ATCAY: variants seen among roughly 807,000 people sequenced by gnomAD.
ATCAY encodes the protein caytaxin.
ATCAY carries 22 observed loss-of-function variants against 47.7 expected under a neutral mutation model. That is an observed-to-expected ratio of 0.46 (90% confidence interval 0.33 to 0.66). The LOEUF (loss-of-function observed/expected upper bound fraction) is 0.66. ATCAY is among the 30% of genes least tolerant of loss of function. The probability of loss-of-function intolerance (pLI) is 0.02; values close to 1 mark genes in which losing one functional copy is unlikely to be tolerated. For missense variants in ATCAY, 452 were observed against 515.0 expected (o/e 0.88, Z 1.18); for synonymous variants, 216 against 207.6 (o/e 1.04, Z -0.35).
chr19:3,898,747 CTT>C (rs1265926960), intron 2 of ATCAY, among the ~76,000 whole-genome samples: 12 of 152,006 alleles, frequency 7.9e-5, no homozygotes, highest in African/African-American at 2.7e-4. Context: ...AGTGGCGTGA[CTT>C]CAGCTCACTG....
In ATCAY at chr19:3,902,563, C is replaced by A. The variant is rs754962968; in HGVS notation, c.136+18C>A. On this transcript the variant is annotated intron_variant, in intron 3 of 12. Coordinates refer to ENST00000450849, the MANE Select transcript of ATCAY (RefSeq NM_033064.5). ...CACATCCTGTAAGTTTCCACGTCCA[C>A]AGAAGGGCGGAAACAGGCTCAGTGT... 2.6e-6 allele frequency: 4 copies of A among 1,559,418 alleles called. No individual in the cohort carries two copies. The East Asian group carries it at 9.6e-5, about 37-fold the overall frequency.
chr19:3,895,769 C>A (rs1410257948), intron 2 of ATCAY, among the ~76,000 whole-genome samples: 2 of 140,004 alleles, frequency 1.4e-5, no homozygotes, highest in Non-Finnish European at 3.0e-5. Flanking sequence ...GGCGGGAGTG[C>A]AGTGGTGCCA....
chr19:3,881,755 C>T (rs1286934584), intron 1 of ATCAY, among the ~76,000 whole-genome samples: 2 of 151,666 alleles, frequency 1.3e-5, no homozygotes, highest in Non-Finnish European at 2.9e-5. Context: ...TCACACCCAG[C>T]TCAGTATAAG....
chr19:3,922,054 C>G, intron 12 of ATCAY: 1 of 666,070 alleles, frequency 1.5e-6, no homozygotes, highest in Non-Finnish European at 2.7e-6. Flanking sequence ...GCAAAACACA[C>G]AAAGTGCTGC....
At chr19:3,913,651 G>C in intron 8 of ATCAY, 107 bp from the exon 9 acceptor site, 1 of 779,814 alleles carries the variant, frequency 1.3e-6, no homozygotes, top group Non-Finnish European at 2.2e-6. Context: ...GGGCATCCTG[G>C]AGTGGGGTCC....
intron 2 of ATCAY, among the ~76,000 whole-genome samples, chr19:3,901,869 C>T (rs1446186803): frequency 6.6e-6 from 1 of 152,076 alleles, no homozygotes; most frequent in Non-Finnish European, 1.5e-5. Context: ...GTAGCGGGCA[C>T]CTGTAGTCCC....
intron 2 of ATCAY, among the ~76,000 whole-genome samples, chr19:3,899,308 C>CTTTTTTTT (rs146410703): frequency 9.3e-6 from 1 of 106,954 alleles, no homozygotes; most frequent in African/African-American, 3.7e-5. Context: ...GGGAATAAAT[C>CTTTTTTTT]TTTTTTTTTT....
In ATCAY at chr19:3,906,347, G is replaced by A. The variant is rs548545464; in HGVS notation, c.358+692G>A. Among the ~76,000 whole-genome samples, 290 of 148,102 alleles carry A rather than the reference G, an allele frequency of 2.0e-3. 1 individual carries two copies. The highest frequency in any genetic ancestry group is 7.1e-3 in the African/African-American group (285 of 40,250). ...AGACAGAGTCTCACTCTGTTGCCCAGGCTGGAGTGCAGTGGTGTGATCTCA... is the reference window on the plus strand; with the variant it reads ...AGACAGAGTCTCACTCTGTTGCCCAAGCTGGAGTGCAGTGGTGTGATCTCA... On this transcript the variant is annotated intron_variant, in intron 4 of 12. Transcript: ENST00000450849.
chr19:3,883,061 T>G (rs532746110), intron 1 of ATCAY, among the ~76,000 whole-genome samples: 1 of 151,922 alleles, frequency 6.6e-6, no homozygotes, highest in East Asian at 1.9e-4. Flanking sequence ...CATGCACCAC[T>G]GCACCCAGCC....
At chr19:3,919,979 G>A (rs973730949) in intron 11 of ATCAY, among the ~76,000 whole-genome samples, 2 of 152,154 alleles carry the variant, frequency 1.3e-5, no homozygotes, top group Non-Finnish European at 2.9e-5. Flanking sequence ...GCAGATGCAC[G>A]CTGACATCTG....
At chr19:3,888,685 G>A (rs1018305055) in intron 2 of ATCAY, among the ~76,000 whole-genome samples, 1 of 152,102 alleles carries the variant, frequency 6.6e-6, no homozygotes, top group African/African-American at 2.4e-5. Flanking sequence ...GGGTTCCGGA[G>A]GGCAGAACGA....
At chr19:3,887,642 A>T (rs556908735) in intron 2 of ATCAY, among the ~76,000 whole-genome samples, 1 of 150,096 alleles carries the variant, frequency 6.7e-6, no homozygotes, top group South Asian at 2.1e-4. Context: ...ACCCGCCACC[A>T]CGCCCGGCTA....
At chr19:3,913,993 T>C (rs1176669739) in intron 9 of ATCAY, 137 bp downstream of exon 9, 11 of 689,378 alleles carry the variant, frequency 1.6e-5, no homozygotes, top group Non-Finnish European at 2.7e-5. Flanking sequence ...TCCCAGCACT[T>C]TGGGAGGCTG....
chr19:3,918,338 T>C (rs1244437132), intron 10 of ATCAY, among the ~76,000 whole-genome samples: 1 of 150,858 alleles, frequency 6.6e-6, no homozygotes, highest in Non-Finnish European at 1.5e-5. Flanking sequence ...TGAGCCGAGA[T>C]CATGCCACTG....
At chr19:3,906,901 G>T (rs1387750488) in intron 4 of ATCAY, among the ~76,000 whole-genome samples, 1 of 151,964 alleles carries the variant, frequency 6.6e-6, no homozygotes, top group Non-Finnish European at 1.5e-5. Flanking sequence ...ACTTTGGGAG[G>T]CTGAGGTGGG....
At chr19:3,921,050 T>C (rs2039014210) in intron 12 of ATCAY, among the ~76,000 whole-genome samples, 1 of 152,004 alleles carries the variant, frequency 6.6e-6, no homozygotes, top group Non-Finnish European at 1.5e-5. Flanking sequence ...GGGGCACCAT[T>C]ACCTAGACCA....
intron 3 of ATCAY, among the ~76,000 whole-genome samples, chr19:3,903,965 C>T (rs1166651829): frequency 2.1e-5 from 3 of 145,982 alleles, no homozygotes; most frequent in Non-Finnish European, 3.0e-5. Flanking sequence ...GGTGAAGCCC[C>T]GTCTCTACTA....
chr19:3,885,945 C>T (rs986462846), intron 2 of ATCAY, 101 bp downstream of exon 2: 12 of 1,203,856 alleles, frequency 1.0e-5, no homozygotes, highest in East Asian at 7.7e-5. Flanking sequence ...GGGAACCGCC[C>T]GGGGCTGGCC....
chr19:3,886,512 C>T (rs1367695395), intron 2 of ATCAY, among the ~76,000 whole-genome samples: 1 of 148,828 alleles, frequency 6.7e-6, no homozygotes, highest in Non-Finnish European at 1.5e-5. Context: ...ATGGCGTGAA[C>T]CCAGGAGGCG....
Sources: gnomAD v4.1 joint callset for allele counts (sites outside exome capture counted in the v4.1 genomes callset) on GRCh38, gnomAD v4.1.1 for gene constraint, MANE v1.5 for transcripts, NCBI Gene and HGNC (gene_info 2026-07-23, HGNC 2026-07-21) for gene names.